LPGAT1: variants seen among roughly 807,000 people sequenced by gnomAD.
LPGAT1 encodes lysophosphatidylglycerol acyltransferase 1, also known as acyl-CoA:lysophosphatidylglycerol acyltransferase 1.
In LPGAT1, 11 loss-of-function variants were observed where a neutral mutation model predicts 47.5. The ratio of observed to expected loss-of-function variants is 0.23; its 90% confidence interval spans 0.15 to 0.38. The LOEUF (loss-of-function observed/expected upper bound fraction) is 0.38. LPGAT1 is among the 10% of genes least tolerant of loss of function. The pLI is 1.00. For synonymous variants in LPGAT1, 138 were observed against 144.2 expected (o/e 0.96, Z 0.31); for missense variants, 293 against 439.0 (o/e 0.67, Z 2.97).
rs1479481317 is a variant in LPGAT1 at position 211,747,199 on chromosome 1, T to C, written c.*2700A>G. On this transcript the variant is annotated 3_prime_UTR_variant, in exon 8 of 8. Coordinates refer to ENST00000366997, the MANE Select transcript of LPGAT1 (RefSeq NM_014873.3). ...CCATATAAGAATACTGATTCTCTCT[T>C]TACCTTCTCTAGTGCAAGCAGGAGA... 1 of 152,176 alleles carries C rather than the reference T, an allele frequency of 6.6e-6. No homozygotes were observed. Among genetic ancestry groups the C allele is most frequent in the African/African-American group, 2.4e-5 (1 of 41,436 alleles). 9.4% of individuals were successfully genotyped at this position (152,176 alleles called of 1,614,324 possible). A position where few individuals can be genotyped will look rare whatever the true frequency, so the allele number is the denominator to read the frequency against.
chr1:211,787,879 G>T, intron 3 of LPGAT1, 152 bp from the exon 4 acceptor site: 1 of 509,210 alleles, frequency 2.0e-6, no homozygotes, highest in East Asian at 3.2e-5. Context: ...ACAAAGCACA[G>T]TTACTAATAG....
chr1:211,793,898 G>A (rs55648545), intron 2 of LPGAT1, among the ~76,000 whole-genome samples: 13,199 of 152,198 alleles, frequency 0.087, 666 homozygotes, highest in Admixed American at 0.15. Context: ...GTATAAACCC[G>A]TTAAAATAAT....
At chr1:211,778,328 T>G (rs1243793121) in intron 6 of LPGAT1, among the ~76,000 whole-genome samples, 2 of 135,070 alleles carry the variant, frequency 1.5e-5, no homozygotes, top group Admixed American at 8.4e-5. Context: ...GGCCACAGAC[T>G]GAGACTCTGT....
chr1:211,784,380 A>C (rs1658762767), intron 4 of LPGAT1, among the ~76,000 whole-genome samples: 1 of 151,844 alleles, frequency 6.6e-6, no homozygotes, highest in African/African-American at 2.4e-5. Context: ...GGTCCCAGCT[A>C]CTCAGGAGGC....
At chr1:211,808,151 G>T (rs1196303858) in intron 2 of LPGAT1, among the ~76,000 whole-genome samples, 2 of 152,012 alleles carry the variant, frequency 1.3e-5, no homozygotes, top group Non-Finnish European at 2.9e-5. Flanking sequence ...TTCGAGACCA[G>T]CCTGACCAAC....
At chr1:211,798,582 G>A (rs1207561901) in intron 2 of LPGAT1, among the ~76,000 whole-genome samples, 1 of 152,114 alleles carries the variant, frequency 6.6e-6, no homozygotes, top group East Asian at 1.9e-4. Flanking sequence ...TACTCTAGGG[G>A]CTAAGGCAGA....
chr1:211,817,288 G>A (rs758524397), intron 2 of LPGAT1, among the ~76,000 whole-genome samples: 6 of 152,072 alleles, frequency 3.9e-5, no homozygotes, highest in African/African-American at 4.8e-5. Context: ...AAAACCATCC[G>A]TCGCTGGGCA....
chr1:211,795,250 CA>C (rs1257197664), intron 2 of LPGAT1, among the ~76,000 whole-genome samples: 2 of 152,112 alleles, frequency 1.3e-5, no homozygotes, highest in Admixed American at 1.3e-4. Flanking sequence ...TATATCTATG[CA>C]ATGGAATATT....
chr1:211,787,374 G>C (rs1184866661), intron 4 of LPGAT1, among the ~76,000 whole-genome samples: 1 of 151,572 alleles, frequency 6.6e-6, no homozygotes, highest in Non-Finnish European at 1.5e-5. Flanking sequence ...TATAGTCCCA[G>C]CTACTCCAAA....
chr1:211,792,199 G>C (rs558771224), intron 3 of LPGAT1: 1 of 151,488 alleles, frequency 6.6e-6, no homozygotes, highest in African/African-American at 2.4e-5. Flanking sequence ...AGGAGTTTTG[G>C]CCTGCTCCAT....
chr1:211,761,721 C>T (rs1657705641), intron 6 of LPGAT1, among the ~76,000 whole-genome samples: 1 of 152,140 alleles, frequency 6.6e-6, no homozygotes, highest in African/African-American at 2.4e-5. Context: ...TTAAGGTATA[C>T]CAAAATCTGA....
intron 5 of LPGAT1, among the ~76,000 whole-genome samples, chr1:211,782,580 A>G (rs1658686478): frequency 6.6e-6 from 1 of 152,068 alleles, no homozygotes; most frequent in Non-Finnish European, 1.5e-5. Flanking sequence ...CAAAACAACT[A>G]AAGAATTAGC....
chr1:211,757,150 G>A (rs552620030), intron 6 of LPGAT1, among the ~76,000 whole-genome samples: 25 of 151,888 alleles, frequency 1.6e-4, no homozygotes, highest in African/African-American at 5.5e-4. Flanking sequence ...CTAGCTACTC[G>A]GGAGGCTGAG....
intron 2 of LPGAT1, among the ~76,000 whole-genome samples, chr1:211,818,855 A>G (rs967171451): frequency 9.2e-5 from 14 of 152,240 alleles, no homozygotes; most frequent in African/African-American, 3.4e-4. Flanking sequence ...TCTTAAACAT[A>G]TGCTACTGGT....
chr1:211,751,076 G>C lies in LPGAT1; in HGVS notation c.855-9C>G. The C allele has an allele frequency of 6.4e-7, 1 of 1,567,804 alleles. No homozygotes were observed. The highest frequency in any genetic ancestry group is 1.1e-5 in the South Asian group (1 of 88,182). The stretch of plus-strand genomic sequence containing the variant: ...CTTTAATTGGAAAGATCCTATTAAG[G>C]GTTAGAAGAAAAGAACAAAAACTAT... On this transcript the variant is annotated splice_polypyrimidine_tract_variant and intron_variant, in intron 6 of 7. Transcript: ENST00000366997.
At chr1:211,787,454 C>T (rs1412673831) in intron 4 of LPGAT1, among the ~76,000 whole-genome samples, 178 bp downstream of exon 4, 4 of 146,374 alleles carry the variant, frequency 2.7e-5, no homozygotes, top group African/African-American at 7.6e-5. Flanking sequence ...TGCCAATGCA[C>T]GCTAGCCTGG....
chr1:211,774,722 T>C (rs557978162), intron 6 of LPGAT1, among the ~76,000 whole-genome samples: 16 of 152,332 alleles, frequency 1.1e-4, no homozygotes, highest in African/African-American at 3.8e-4. Context: ...ATAATGTGTA[T>C]TTTATGGTGT....
intron 6 of LPGAT1, among the ~76,000 whole-genome samples, chr1:211,753,159 C>T (rs1031028900): frequency 1.3e-5 from 2 of 152,162 alleles, no homozygotes; most frequent in Non-Finnish European, 2.9e-5. Flanking sequence ...CACCATTGTC[C>T]TGGTGAGTCC....
intron 2 of LPGAT1, among the ~76,000 whole-genome samples, chr1:211,821,532 G>A (rs1193339336): frequency 6.6e-6 from 1 of 152,130 alleles, no homozygotes; most frequent in Non-Finnish European, 1.5e-5. Flanking sequence ...TGAAAGAAGG[G>A]AGAAAGCAGA....
Sources: gnomAD v4.1 joint callset for allele counts (sites outside exome capture counted in the v4.1 genomes callset) on GRCh38, gnomAD v4.1.1 for gene constraint, MANE v1.5 for transcripts, NCBI Gene and HGNC (gene_info 2026-07-23, HGNC 2026-07-21) for gene names.